CACNA1I: variants seen among roughly 807,000 people sequenced by gnomAD.
CACNA1I encodes calcium voltage-gated channel subunit alpha1 I.
In CACNA1I, 74 loss-of-function variants were observed where a neutral mutation model predicts 201.6. The observed-to-expected ratio is 0.37, with a 90% CI of 0.30 to 0.45. The LOEUF (loss-of-function observed/expected upper bound fraction) is 0.45, where lower values mean the gene tolerates loss of function less well. Among genes scored for constraint, CACNA1I ranks in the 20% least tolerant of loss-of-function variants. The pLI, the probability that CACNA1I is intolerant of heterozygous loss-of-function variation, is 1.00. For synonymous variants in CACNA1I, 1,431 were observed against 1,345.2 expected, an observed-to-expected ratio of 1.06 and a Z score of -1.40; for missense variants, 2,346 against 3,138.1, an observed-to-expected ratio of 0.75 and a Z score of 6.03.
In CACNA1I at chr22:39,659,168, C is replaced by A. The variant is rs545872434; in HGVS notation, c.2330+52C>A. The A allele has an allele frequency of 5.0e-6, 8 of 1,597,978 alleles. No homozygotes were observed. The Admixed American group carries it at 8.5e-5, about 17-fold the overall frequency. On this transcript the variant is annotated intron_variant, in intron 12 of 36. Coordinates refer to ENST00000402142, the MANE Select transcript of CACNA1I (RefSeq NM_021096.4). This position sits in a 1 kb window ranked among gnomAD's most constrained non-coding sequence, Gnocchi z 4.3. ...CCTCAGCACCTGCTGGGGCTGTGGGCGGGAGCCTGGGGGATGTGGTCCACT... is the reference window on the plus strand; with the variant it reads ...CCTCAGCACCTGCTGGGGCTGTGGGAGGGAGCCTGGGGGATGTGGTCCACT...
Position 39,620,054 on chromosome 22 carries a change from C to CCATCCATCCAT in CACNA1I, c.580+648_580+649insATCCATCCATC, listed in dbSNP as rs58094478. On this transcript the variant is annotated intron_variant, in intron 4 of 36. Coordinates refer to ENST00000402142, the MANE Select transcript of CACNA1I (RefSeq NM_021096.4). ...ATCCATCCATCCATCCATCCATCCA[C>CCATCCATCCAT]CCACCCACCCATCCACCCACCCACC... Among the ~76,000 whole-genome samples, 6 of 19,914 alleles carry CCATCCATCCAT rather than the reference C, an allele frequency of 3.0e-4. 1 individual carries two copies. In the East Asian group the frequency reaches 0.015, roughly 50 times the overall value. The allele number at this position is 19,914 out of a possible 152,430, so 13.1% of individuals were successfully genotyped here.
At chr22:39,607,949 C>A (rs1474609728) in intron 3 of CACNA1I, among the ~76,000 whole-genome samples, 1 of 150,852 alleles carries the variant, frequency 6.6e-6, no homozygotes, top group African/African-American at 2.4e-5. Context: ...GAAACCCTGT[C>A]TCTACTAAAA....
At chr22:39,591,844 G>A (rs1157649929) in intron 1 of CACNA1I, among the ~76,000 whole-genome samples, 1 of 152,254 alleles carries the variant, frequency 6.6e-6, no homozygotes, top group Non-Finnish European at 1.5e-5. Flanking sequence ...ACAGGCATAA[G>A]CCACCGCGCT....
At chr22:39,641,865 T>C (rs1934359680) in intron 6 of CACNA1I, among the ~76,000 whole-genome samples, 1 of 152,164 alleles carries the variant, frequency 6.6e-6, no homozygotes, top group Non-Finnish European at 1.5e-5. Context: ...GCCTCAGTTT[T>C]CCCATCTTTA....
intron 4 of CACNA1I, among the ~76,000 whole-genome samples, chr22:39,622,596 T>TGTGGGGGGGGCG (rs1933778650): frequency 2.5e-4 from 2 of 8,076 alleles, no homozygotes; most frequent in African/African-American, 5.0e-4. Flanking sequence ...CAGAGTGCGG[T>TGTGGGGGGGGCG]GTGGGGGGGG....
At chr22:39,639,672 A>T (rs1007370993) in intron 5 of CACNA1I, among the ~76,000 whole-genome samples, 1 of 152,216 alleles carries the variant, frequency 6.6e-6, no homozygotes, top group Non-Finnish European at 1.5e-5. Flanking sequence ...GTTGGGATCC[A>T]ACTATTATTT....
chr22:39,598,284 G>GCCCC, intron 2 of CACNA1I, 22 bp downstream of exon 2: 1 of 895,802 alleles, frequency 1.1e-6, no homozygotes, highest in Non-Finnish European at 1.5e-6. Context: ...GCCCCGCCCC[G>GCCCC]CCCCGCCCTG....
At chr22:39,655,199 G>C (rs1462526727) in intron 10 of CACNA1I, among the ~76,000 whole-genome samples, 1 of 152,320 alleles carries the variant, frequency 6.6e-6, no homozygotes, top group East Asian at 1.9e-4. Flanking sequence ...CGGCCCATGG[G>C]AGGGGCCTAA....
chr22:39,670,763 C>T (rs766772937), intron 25 of CACNA1I, 40 bp from the exon 26 acceptor site: 2 of 1,609,924 alleles, frequency 1.2e-6, no homozygotes, highest in East Asian at 2.2e-5. Context: ...TTGACCCCAA[C>T]CCTCTGTGGT....
At position 39,668,889 on chromosome 22, in the gene CACNA1I, G is replaced by A. The variant is rs139733476; in HGVS notation, c.4194+508G>A. ...TATTCTGAGGGCAGAGAGAGCCGGT[G>A]AGGGACTTACAGCAAGAGTGGTGTC... On this transcript the variant is annotated intron_variant, in intron 24 of 36. Transcript: ENST00000402142. Among the ~76,000 whole-genome samples the A allele has an allele frequency of 2.4e-3, 361 of 152,162 alleles. 4 individuals carry two copies. The highest frequency in any genetic ancestry group is 8.3e-3 in the African/African-American group (345 of 41,456).
At chr22:39,597,168 C>T (rs1932910857) in intron 1 of CACNA1I, among the ~76,000 whole-genome samples, 1 of 152,188 alleles carries the variant, frequency 6.6e-6, no homozygotes, top group Admixed American at 6.5e-5. Flanking sequence ...AGGACTCAGT[C>T]AACTGGAGAT....
intron 1 of CACNA1I, among the ~76,000 whole-genome samples, chr22:39,574,428 C>G (rs917441497): frequency 3.1e-4 from 47 of 152,084 alleles, no homozygotes; most frequent in African/African-American, 1.1e-3. Flanking sequence ...TCCCCTGGAG[C>G]AGAGACTCAG....
At chr22:39,605,859 TG>T (rs1487429772) in intron 3 of CACNA1I, among the ~76,000 whole-genome samples, 1 of 150,886 alleles carries the variant, frequency 6.6e-6, no homozygotes, top group Non-Finnish European at 1.5e-5. Flanking sequence ...AAGGGAAAGG[TG>T]AGTGACAGGG....
chr22:39,601,875 TTCTC>T (rs113562789), intron 3 of CACNA1I, among the ~76,000 whole-genome samples: 3 of 24,096 alleles, frequency 1.2e-4, no homozygotes, highest in South Asian at 2.4e-3. Context: ...CCTTCCTTCC[TTCTC>T]TCTCTTTCTT....
At chr22:39,633,339 A>G (rs1053759003) in intron 4 of CACNA1I, among the ~76,000 whole-genome samples, 6 of 152,184 alleles carry the variant, frequency 3.9e-5, no homozygotes, top group African/African-American at 1.4e-4. Context: ...ACAGACAACT[A>G]TACATTAGGG....
intron 10 of CACNA1I, among the ~76,000 whole-genome samples, chr22:39,657,811 G>C (rs574914869): frequency 6.6e-6 from 1 of 152,354 alleles, no homozygotes; most frequent in Admixed American, 6.5e-5. Context: ...CATCTTAGCC[G>C]TGTGACCTCA....
chr22:39,686,641 T>TATATATATATATATAC lies in CACNA1I; in HGVS notation c.*248_*249insATACATATATATATAT, dbSNP rs1935895761. ...ATATATATATGCATATATATATATA[T>TATATATATATATATAC]ATATATATATATGTGTATACACACA... On this transcript the variant is annotated 3_prime_UTR_variant, in exon 37 of 37. Coordinates refer to ENST00000402142, the MANE Select transcript of CACNA1I (RefSeq NM_021096.4). 1 of 147,932 alleles carries TATATATATATATATAC rather than the reference T, an allele frequency of 6.8e-6. No individual in the cohort carries two copies. Among genetic ancestry groups the TATATATATATATATAC allele is most frequent in the Non-Finnish European group, 1.5e-5 (1 of 67,772 alleles). 9.2% of individuals were successfully genotyped at this position (147,932 alleles called of 1,614,324 possible).
chr22:39,649,236 TG>T lies in CACNA1I; in HGVS notation c.1568-262del, dbSNP rs1257644881. The stretch of plus-strand genomic sequence containing the variant: ...CACGGATGCGCGCCCTGCACCGTGC[TG>T]GGCCCATCATGTGCCTTAAGGGAGA... On this transcript the variant is annotated intron_variant, in intron 9 of 36. Coordinates refer to ENST00000402142, the MANE Select transcript of CACNA1I (RefSeq NM_021096.4). This position sits in a 1 kb window ranked among gnomAD's most constrained non-coding sequence, Gnocchi z 7.3. Among the ~76,000 whole-genome samples the T allele has an allele frequency of 2.0e-5, 3 of 152,202 alleles. No individual in the cohort carries two copies. Among genetic ancestry groups the T allele is most frequent in the African/African-American group, 7.2e-5 (3 of 41,454 alleles).
chr22:39,616,908 A>G (rs1933555633), intron 3 of CACNA1I, among the ~76,000 whole-genome samples: 1 of 152,210 alleles, frequency 6.6e-6, no homozygotes, highest in Non-Finnish European at 1.5e-5. Flanking sequence ...ACTGAGAGCC[A>G]ATAGTCCTAG....
Sources: gnomAD v4.1 joint callset for allele counts (sites outside exome capture counted in the v4.1 genomes callset) on GRCh38, gnomAD v4.1.1 for gene constraint, Gnocchi (gnomAD v3.1) non-coding constraint, MANE v1.5 for transcripts, NCBI Gene and HGNC (gene_info 2026-07-23, HGNC 2026-07-21) for gene names.